Variants in POLB observed in about 807,000 individuals in gnomAD.
POLB encodes DNA polymerase beta.
In POLB, 37 loss-of-function variants were observed where a neutral mutation model predicts 52.7. The observed-to-expected ratio is 0.70, with a 90% CI of 0.54 to 0.92. The LOEUF (loss-of-function observed/expected upper bound fraction) is 0.92, where lower values mean the gene tolerates loss of function less well. Among genes scored for constraint, POLB ranks in the 40% least tolerant of loss-of-function variants. The pLI is 0.00. For synonymous variants in POLB, 138 were observed against 131.3 expected, an observed-to-expected ratio of 1.05 and a Z score of -0.35; for missense variants, 313 against 400.8, an observed-to-expected ratio of 0.78 and a Z score of 1.87.
intron 2 of POLB, among the ~76,000 whole-genome samples, chr8:42,344,281 A>G (rs1822457295): frequency 6.6e-6 from 1 of 151,752 alleles, no homozygotes; most frequent in Non-Finnish European, 1.5e-5. Context: ...CAGCCTGGCC[A>G]ACATGGAGAA....
intron 2 of POLB, among the ~76,000 whole-genome samples, chr8:42,344,690 C>T (rs1241568541): frequency 6.6e-6 from 1 of 151,630 alleles, no homozygotes; most frequent in Non-Finnish European, 1.5e-5. Flanking sequence ...GAAGGCGCGC[C>T]TGTAGTCCCA....
At chr8:42,371,303 A>G (rs550593937) in intron 13 of POLB, among the ~76,000 whole-genome samples, 157 of 152,156 alleles carry the variant, frequency 1.0e-3, no homozygotes, top group Middle Eastern at 3.4e-3. Context: ...TTGTATTTTT[A>G]GTAGAGATGG....
At chr8:42,367,519 A>G (rs937993369) in intron 11 of POLB, among the ~76,000 whole-genome samples, 2 of 152,224 alleles carry the variant, frequency 1.3e-5, no homozygotes, top group African/African-American at 4.8e-5. Flanking sequence ...AGGCTTCTAA[A>G]AGGAAATTGG....
Position 42,353,980 on chromosome 8 carries a change from T to A in POLB, c.370+1412T>A, listed in dbSNP as rs536700009. ...TGAGCCACATTGCTAGAGAATGAAC[T>A]CTACATGTGCATCTCATACAGGGTT... On this transcript the variant is annotated intron_variant, in intron 6 of 13. Coordinates refer to ENST00000265421, the MANE Select transcript of POLB (RefSeq NM_002690.3). Among the ~76,000 whole-genome samples, 3 of 152,314 alleles carry A rather than the reference T, an allele frequency of 2.0e-5. No homozygotes were observed. The South Asian group carries it at 6.2e-4, about 32-fold the overall frequency.
chr8:42,370,910 G>A (rs1220471329), intron 13 of POLB, among the ~76,000 whole-genome samples: 1 of 152,242 alleles, frequency 6.6e-6, no homozygotes, highest in Non-Finnish European at 1.5e-5. Flanking sequence ...GGTTGGATAA[G>A]CTTGTTCTAG....
chr8:42,370,505 G>A (rs1230908477), intron 13 of POLB, among the ~76,000 whole-genome samples: 2 of 151,640 alleles, frequency 1.3e-5, no homozygotes, highest in Non-Finnish European at 2.9e-5. Flanking sequence ...TTGTCATTTT[G>A]TCCTCAAAGT....
At chr8:42,354,073 CT>C (rs1449357659) in intron 6 of POLB, among the ~76,000 whole-genome samples, 3 of 152,134 alleles carry the variant, frequency 2.0e-5, no homozygotes, top group Non-Finnish European at 2.9e-5. Context: ...GGTCAAGAAT[CT>C]GTGGGTTTCT....
chr8:42,367,716 A>G (rs969564660), intron 11 of POLB, among the ~76,000 whole-genome samples: 3 of 152,202 alleles, frequency 2.0e-5, no homozygotes, highest in Non-Finnish European at 4.4e-5. Flanking sequence ...TAGGAAAGCC[A>G]TGGTTATTCC....
intron 2 of POLB, chr8:42,339,439 C>T (rs1044546729): frequency 1.3e-5 from 3 of 236,600 alleles, no homozygotes; most frequent in South Asian, 9.2e-5. Context: ...TAAAGTTGAT[C>T]CTGTGGGATC....
intron 7 of POLB, among the ~76,000 whole-genome samples, chr8:42,356,514 G>A (rs1212035187): frequency 1.3e-5 from 2 of 152,186 alleles, no homozygotes; most frequent in African/African-American, 4.8e-5. Context: ...TGTGCACAGT[G>A]TAGGAACCAT....
intron 3 of POLB, among the ~76,000 whole-genome samples, chr8:42,348,258 A>G (rs1277973139): frequency 6.6e-6 from 1 of 152,178 alleles, no homozygotes; most frequent in Non-Finnish European, 1.5e-5. Flanking sequence ...CACTAGGGAT[A>G]AAAAAATGAA....
intron 12 of POLB, 190 bp from the exon 13 acceptor site, chr8:42,369,659 C>A: frequency 1.9e-6 from 1 of 522,262 alleles, no homozygotes; most frequent in Non-Finnish European, 3.4e-6. Flanking sequence ...GAACAAAGTT[C>A]ACAGAAACCT....
chr8:42,357,721 CT>C (rs1169220176), intron 9 of POLB: 88 of 189,488 alleles, frequency 4.6e-4, no homozygotes, highest in Admixed American at 1.5e-3. Flanking sequence ...ATTTACCTTT[CT>C]TTTTCCTTTT....
At position 42,365,862 on chromosome 8, in the gene POLB, G is replaced by C. The variant is rs191779711; in HGVS notation, c.708+3164G>C. Among the ~76,000 whole-genome samples, 61 of 152,332 alleles carry C rather than the reference G, an allele frequency of 4.0e-4. No individual in the cohort carries two copies. In the East Asian group the frequency reaches 0.011, roughly 28 times the overall value. ...CGCCTGTAATCCCAGCACTTTGGGA[G>C]GCTGAGGCAGGTGAATCACCTGAGG... On this transcript the variant is annotated intron_variant, in intron 11 of 13. Transcript: ENST00000265421.
At chr8:42,363,929 T>C (rs961668414) in intron 11 of POLB, among the ~76,000 whole-genome samples, 11 of 150,638 alleles carry the variant, frequency 7.3e-5, no homozygotes, top group Non-Finnish European at 1.3e-4. Flanking sequence ...TACGATTCTT[T>C]TTTTTTTTTT....
At chr8:42,370,284 T>TTG (rs1491086249) in intron 13 of POLB, 1 of 404,766 alleles carries the variant, frequency 2.5e-6, no homozygotes, top group African/African-American at 2.4e-5. Context: ...TTTTTTTTTT[T>TTG]GCTGTTGTTT....
At chr8:42,355,852 C>T (rs1030103902) in intron 7 of POLB, among the ~76,000 whole-genome samples, 3 of 152,098 alleles carry the variant, frequency 2.0e-5, no homozygotes, top group East Asian at 3.8e-4. Flanking sequence ...AGGCAGTCAG[C>T]GGGTGTTTAT....
chr8:42,353,119 G>A (rs927981245), intron 6 of POLB, among the ~76,000 whole-genome samples: 3 of 149,694 alleles, frequency 2.0e-5, no homozygotes, highest in African/African-American at 4.9e-5. Context: ...TGACTTAAAA[G>A]CAATGAAATA....
chr8:42,347,553 A>G (rs903817425), intron 3 of POLB, among the ~76,000 whole-genome samples: 1 of 152,084 alleles, frequency 6.6e-6, no homozygotes, highest in African/African-American at 2.4e-5. Flanking sequence ...TGAAATTTCC[A>G]GAATGAGTAG....
Sources: gnomAD v4.1 joint callset for allele counts (sites outside exome capture counted in the v4.1 genomes callset) on GRCh38, gnomAD v4.1.1 for gene constraint, MANE v1.5 for transcripts, NCBI Gene and HGNC (gene_info 2026-07-23, HGNC 2026-07-21) for gene names.